AGAP1: variants seen among roughly 807,000 people sequenced by gnomAD.
AGAP1 encodes the protein ArfGAP with GTPase domain, ankyrin repeat and PH domain 1.
AGAP1 carries 29 observed loss-of-function variants against 105.3 expected under a neutral mutation model. The ratio of observed to expected loss-of-function variants is 0.28; its 90% CI spans 0.21 to 0.38. The LOEUF is 0.38. Ranked by LOEUF, AGAP1 falls within the 10% of genes least tolerant of loss-of-function variation. The pLI is 1.00. For synonymous variants in AGAP1, 509 were observed against 485.9 expected (o/e 1.05, Z -0.63); for missense variants, 998 against 1,165.1 (o/e 0.86, Z 2.09).
In AGAP1 at chr2:236,105,892, C is replaced by T. The variant is rs149181813; in HGVS notation, c.2115-14300C>T. On this transcript the variant is annotated intron_variant, in intron 16 of 17. Transcript: ENST00000304032. This position sits in a 1 kb window ranked among gnomAD's most constrained non-coding sequence, Gnocchi z 4.2. Reference sequence around the variant, plus strand: ...GATTACAGGCGTGAGCCATCGTGCCCGGCCCCTCTTGTGCCTCTTCTTATA... The same window carrying T: ...GATTACAGGCGTGAGCCATCGTGCCTGGCCCCTCTTGTGCCTCTTCTTATA... 9.6e-3 allele frequency among the ~76,000 whole-genome samples: 1,466 copies of T among 152,282 alleles called. 24 individuals carry two copies. The highest frequency in any genetic ancestry group is 0.033 in the African/African-American group (1,382 of 41,570).
At position 235,951,232 on chromosome 2, in the gene AGAP1, T is replaced by C; in HGVS notation, c.1484-17230T>C. Among the ~76,000 whole-genome samples, 1 of 152,206 alleles carries C rather than the reference T, an allele frequency of 6.6e-6. No individual in the cohort carries two copies. The highest frequency in any genetic ancestry group is 1.9e-4 in the East Asian group (1 of 5,196). On this transcript the variant is annotated intron_variant, in intron 12 of 17. Transcript: ENST00000304032. The surrounding 1 kb of genome is among the most constrained non-coding windows in gnomAD (Gnocchi z 4.2). The stretch of plus-strand genomic sequence containing the variant: ...GACACTTCCGACTTTGATCTGCAGT[T>C]GCGGATGAAGATGCTCACGAGTGGA...
At chr2:235,990,466 G>A (rs2055518617) in intron 13 of AGAP1, among the ~76,000 whole-genome samples, 1 of 152,226 alleles carries the variant, frequency 6.6e-6, no homozygotes, top group African/African-American at 2.4e-5. Flanking sequence ...CCAGTCACTC[G>A]TGTGTTTGAT....
In AGAP1 at chr2:235,962,084, T is replaced by A. The variant is rs1328262461; in HGVS notation, c.1484-6378T>A. On this transcript the variant is annotated intron_variant, in intron 12 of 17. Transcript: ENST00000304032. The surrounding 1 kb of genome is among the most constrained non-coding windows in gnomAD (Gnocchi z 5.3). ...TTTGTTTTGTTTTGTTTTGTTTTGT[T>A]TCAGTGAAGTGAAAAGTGAGGTCAT... Among the ~76,000 whole-genome samples, 1 of 151,872 alleles carries A rather than the reference T, an allele frequency of 6.6e-6. No individual in the cohort carries two copies. The highest frequency in any genetic ancestry group is 1.5e-5 in the Non-Finnish European group (1 of 68,012).
At chr2:236,100,591 G>A (rs923596866) in intron 16 of AGAP1, among the ~76,000 whole-genome samples, 6 of 152,194 alleles carry the variant, frequency 3.9e-5, no homozygotes, top group African/African-American at 7.2e-5. Context: ...TTGGGTGGCC[G>A]AGGTGGGCAG....
rs1958959770 is a variant in AGAP1, at chr2:235,824,421, T to C, written c.1050+17090T>C. 6.6e-6 allele frequency among the ~76,000 whole-genome samples: 1 copy of C among 152,206 alleles called. No homozygotes were observed. Among genetic ancestry groups the C allele is most frequent in the African/African-American group, 2.4e-5 (1 of 41,452 alleles). On this transcript the variant is annotated intron_variant, in intron 9 of 17. Coordinates refer to ENST00000304032, the MANE Select transcript of AGAP1 (RefSeq NM_001037131.3). This position sits in a 1 kb window ranked among gnomAD's most constrained non-coding sequence, Gnocchi z 5.2. ...AGTGTAATTAAATATTTCAGAGCAC[T>C]TGGCTACAGTAGCATTGAACTGTGA... is the stretch of plus-strand genomic sequence containing the variant.
At chr2:235,928,604 G>A (rs183218818) in intron 11 of AGAP1, among the ~76,000 whole-genome samples, 65 of 152,318 alleles carry the variant, frequency 4.3e-4, no homozygotes, top group Non-Finnish European at 7.1e-4. Flanking sequence ...AGAGCAGGGC[G>A]GAGAAGGGAT....
At position 235,750,032 on chromosome 2, in the gene AGAP1, ATAGG is replaced by A. The variant is rs1953300912; in HGVS notation, c.539-321_539-318del. Among the ~76,000 whole-genome samples the A allele has an allele frequency of 1.3e-5, 2 of 152,250 alleles. No homozygotes were observed. The highest frequency in any genetic ancestry group is 4.1e-4 in the South Asian group (2 of 4,824). On this transcript the variant is annotated intron_variant, in intron 5 of 17. Transcript: ENST00000304032. This position sits in a 1 kb window ranked among gnomAD's most constrained non-coding sequence, Gnocchi z 5.3. ...GTGGTGCACAGAAGGGGGCCTGCACATAGGGACTGTGTGTGTGGTTTTTCCTCCT... is the reference window on the plus strand; with the variant it reads ...GTGGTGCACAGAAGGGGGCCTGCACAGACTGTGTGTGTGGTTTTTCCTCCT...
At chr2:236,029,648 G>GT (rs1293848270) in intron 13 of AGAP1, among the ~76,000 whole-genome samples, 3 of 152,010 alleles carry the variant, frequency 2.0e-5, no homozygotes, top group Non-Finnish European at 2.9e-5. Context: ...ACTTTTGGGT[G>GT]TTTTTGCAGA....
At chr2:235,847,411 T>C (rs543669656) in intron 9 of AGAP1, among the ~76,000 whole-genome samples, 1 of 152,346 alleles carries the variant, frequency 6.6e-6, no homozygotes, top group African/African-American at 2.4e-5. Context: ...ATGATGTTGT[T>C]ACACAGTGTA....
At chr2:235,784,170 T>C (rs1956461976) in intron 6 of AGAP1, among the ~76,000 whole-genome samples, 1 of 152,154 alleles carries the variant, frequency 6.6e-6, no homozygotes, top group South Asian at 2.1e-4. Context: ...AAAATGTCAT[T>C]GTAGGTCTCG....
At chr2:235,683,034 G>T (rs1027004018) in intron 1 of AGAP1, among the ~76,000 whole-genome samples, 1 of 152,070 alleles carries the variant, frequency 6.6e-6, no homozygotes, top group Non-Finnish European at 1.5e-5. Flanking sequence ...GGGCCGGTGC[G>T]GTGGCTTAAT....
intron 1 of AGAP1, among the ~76,000 whole-genome samples, chr2:235,497,242 A>G (rs1054330976): frequency 6.6e-6 from 1 of 152,174 alleles, no homozygotes; most frequent in Non-Finnish European, 1.5e-5. Context: ...GATCTGAACC[A>G]AGGGATCATT....
rs1339740830 is a variant in AGAP1 at position 235,639,322 on chromosome 2, T to C, written c.164-69857T>C. Reference sequence around the variant, plus strand: ...CATCCATTTGAAGGTTATGGGAAGATGGAAAGCACGCCCTGGAGGTGGGTG... The same window carrying C: ...CATCCATTTGAAGGTTATGGGAAGACGGAAAGCACGCCCTGGAGGTGGGTG... On this transcript the variant is annotated intron_variant, in intron 1 of 17. Transcript: ENST00000304032. This position sits in a 1 kb window ranked among gnomAD's most constrained non-coding sequence, Gnocchi z 5.3. 6.6e-6 allele frequency among the ~76,000 whole-genome samples: 1 copy of C among 152,000 alleles called. No homozygotes were observed. The highest frequency in any genetic ancestry group is 2.4e-5 in the African/African-American group (1 of 41,392).
intron 1 of AGAP1, among the ~76,000 whole-genome samples, chr2:235,697,572 C>T (rs981916332): frequency 2.0e-5 from 3 of 152,166 alleles, no homozygotes; most frequent in Non-Finnish European, 4.4e-5. Context: ...CTTCACCTTG[C>T]CCCACGGACC....
intron 1 of AGAP1, among the ~76,000 whole-genome samples, chr2:235,585,046 T>C (rs915618967): frequency 6.6e-6 from 1 of 151,848 alleles, no homozygotes; most frequent in Admixed American, 6.6e-5. Flanking sequence ...TGAGAGAGAC[T>C]CTTGTGGATA....
At position 235,582,259 on chromosome 2, in the gene AGAP1, G is replaced by A. The variant is rs986219353; in HGVS notation, c.163+87410G>A. 6.6e-6 allele frequency among the ~76,000 whole-genome samples: 1 copy of A among 152,148 alleles called. No individual in the cohort carries two copies. Among genetic ancestry groups the A allele is most frequent in the Non-Finnish European group, 1.5e-5 (1 of 68,028 alleles). On this transcript the variant is annotated intron_variant, in intron 1 of 17. Coordinates refer to ENST00000304032, the MANE Select transcript of AGAP1 (RefSeq NM_001037131.3). This position sits in a 1 kb window ranked among gnomAD's most constrained non-coding sequence, Gnocchi z 4.7. ...CCTGACCTTTGGCAGGTCCAGGAGT[G>A]TGCTGAGTCTTTCTACCCCGCTGCG...
At chr2:235,834,368 G>A (rs1959858794) in intron 9 of AGAP1, among the ~76,000 whole-genome samples, 1 of 152,164 alleles carries the variant, frequency 6.6e-6, no homozygotes, top group Non-Finnish European at 1.5e-5. Flanking sequence ...ATTCAGATAT[G>A]CCTTCTGTCC....
In AGAP1 at chr2:236,061,452, G is replaced by A. The variant is rs1185677853; in HGVS notation, c.2114+12171G>A. On this transcript the variant is annotated intron_variant, in intron 16 of 17. Transcript: ENST00000304032. The surrounding 1 kb of genome is among the most constrained non-coding windows in gnomAD (Gnocchi z 4.1). Reference sequence around the variant, plus strand: ...TAGCCAAAAAGTGAAAGTAACCCAGGTGTCCCTCTGTGGATGAATGGGTGA... The same window carrying A: ...TAGCCAAAAAGTGAAAGTAACCCAGATGTCCCTCTGTGGATGAATGGGTGA... Among the ~76,000 whole-genome samples, 2 of 152,176 alleles carry A rather than the reference G, an allele frequency of 1.3e-5. No individual in the cohort carries two copies. Among genetic ancestry groups the A allele is most frequent in the Non-Finnish European group, 2.9e-5 (2 of 68,040 alleles).
At chr2:235,773,327 A>T (rs182561842) in intron 6 of AGAP1, among the ~76,000 whole-genome samples, 5 of 152,198 alleles carry the variant, frequency 3.3e-5, no homozygotes, top group African/African-American at 1.2e-4. Context: ...TTACACTTCT[A>T]TGCAAATGAA....
Sources: allele counts gnomAD v4.1 joint callset (sites outside exome capture counted in the v4.1 genomes callset), GRCh38; gene constraint gnomAD v4.1.1; non-coding constraint Gnocchi (gnomAD v3.1); transcripts MANE v1.5; gene names NCBI Gene and HGNC (gene_info 2026-07-23, HGNC 2026-07-21).